Variants in ARMC9 observed in about 807,000 individuals in gnomAD.
ARMC9 encodes the protein armadillo repeat containing 9, also known as lisH domain-containing protein ARMC9.
Under a neutral mutation model 107.0 loss-of-function variants are expected in ARMC9, and 94 were observed. That is an observed-to-expected ratio of 0.88 (90% CI 0.74 to 1.04). The LOEUF is 1.04. ARMC9 is among the 50% of genes least tolerant of loss of function. The pLI is 0.00. For missense variants in ARMC9, 942 were observed against 1,030.1 expected (o/e 0.91, Z 1.17); for synonymous variants, 380 against 396.9 (o/e 0.96, Z 0.51).
At chr2:231,266,189 A>G (rs2038845551) in intron 12 of ARMC9, among the ~76,000 whole-genome samples, 1 of 152,152 alleles carries the variant, frequency 6.6e-6, no homozygotes, top group Admixed American at 6.5e-5. Context: ...TTTAACATGC[A>G]TCGTTATCTC....
At chr2:231,353,982 C>T (rs768937192) in intron 21 of ARMC9, among the ~76,000 whole-genome samples, 4,028 of 96,618 alleles carry the variant, frequency 0.042, 147 homozygotes, top group African/African-American at 0.28. Flanking sequence ...TGTATATATA[C>T]ACACACACAC....
At chr2:231,309,845 A>G (rs56822542) in intron 19 of ARMC9, among the ~76,000 whole-genome samples, 4,739 of 152,162 alleles carry the variant, frequency 0.031, 246 homozygotes, top group African/African-American at 0.11. Context: ...GTCTTATACT[A>G]TCCTGACCAA....
chr2:231,256,093 C>T, intron 9 of ARMC9: 1 of 1,549,400 alleles, frequency 6.5e-7, no homozygotes, highest in Non-Finnish European at 8.7e-7. Context: ...GCCGCGCCGC[C>T]ATCATGGACA....
chr2:231,271,881 A>G (rs1421710184), intron 13 of ARMC9, among the ~76,000 whole-genome samples: 1 of 152,142 alleles, frequency 6.6e-6, no homozygotes, highest in African/African-American at 2.4e-5. Flanking sequence ...CAGGCCTTGT[A>G]CAGAGAGTGT....
At chr2:231,254,324 G>A (rs538957448) in intron 9 of ARMC9, among the ~76,000 whole-genome samples, 2 of 152,176 alleles carry the variant, frequency 1.3e-5, no homozygotes, top group South Asian at 4.1e-4. Flanking sequence ...GAAAAATAAT[G>A]GCCAATATCA....
intron 12 of ARMC9, among the ~76,000 whole-genome samples, chr2:231,267,981 AGAAT>A (rs1424582820): frequency 1.3e-5 from 2 of 152,260 alleles, no homozygotes; most frequent in Non-Finnish European, 2.9e-5. Context: ...CATCAGCAGT[AGAAT>A]GAATACCTGT....
rs951200938 is a variant in ARMC9 at position 231,370,066 on chromosome 2, G to A, written c.2375G>A (p.Cys792Tyr). The A allele has an allele frequency of 7.4e-5, 114 of 1,535,112 alleles. No homozygotes were observed. Among genetic ancestry groups the A allele is most frequent in the Non-Finnish European group, 9.2e-5 (105 of 1,146,424 alleles). The change falls in exon 24 of 25, where the codon TGT (cysteine) becomes TAT (tyrosine). Residue 792 changes from cysteine (C) to tyrosine (Y), a missense_variant. Cys to Tyr is a radical substitution (Grantham distance 194). Transcript: ENST00000611582. ...GTTCTGGCCCCTCTGTTCTCTTCGTGTGGCCCCCAGCAGGCCAGCCGCCCC... is the reference window on the plus strand; with the variant it reads ...GTTCTGGCCCCTCTGTTCTCTTCGTATGGCCCCCAGCAGGCCAGCCGCCCC... ...ASVLAPLFSSCGPQQASRPGS... is the reference protein window; with the variant it reads ...ASVLAPLFSSYGPQQASRPGS...
intron 3 of ARMC9, among the ~76,000 whole-genome samples, chr2:231,210,679 C>A (rs1479815169): frequency 6.6e-6 from 1 of 152,218 alleles, no homozygotes; most frequent in Non-Finnish European, 1.5e-5. Context: ...TGTACACTTT[C>A]CGCAACTGGT....
At position 231,265,996 on chromosome 2, in the gene ARMC9, T is replaced by TAA. The variant is rs541194304; in HGVS notation, c.1119+3614_1119+3615dup. 5.9e-3 allele frequency among the ~76,000 whole-genome samples: 745 copies of TAA among 125,362 alleles called. 7 individuals are homozygous for TAA. Among genetic ancestry groups the TAA allele is most frequent in the East Asian group, 0.039 (173 of 4,468 alleles). The allele number at this position is 125,362 out of a possible 152,430, so 82.2% of individuals were successfully genotyped here. A position where few individuals can be genotyped will look rare whatever the true frequency, so the allele number is the denominator to read the frequency against. On this transcript the variant is annotated intron_variant, in intron 12 of 24. Transcript: ENST00000611582. ...CTGGGCAGCAGACTGAGACGCCATC[T>TAA]AAAAAAAAAAAAAAAAAGAAGAAAT...
chr2:231,262,643 T>G (rs564572146), intron 12 of ARMC9, among the ~76,000 whole-genome samples: 4 of 152,258 alleles, frequency 2.6e-5, no homozygotes, highest in Non-Finnish European at 5.9e-5. Context: ...TTTCTCAAAT[T>G]CCCTACTCTT....
At chr2:231,305,529 T>C (rs569587375) in intron 19 of ARMC9, among the ~76,000 whole-genome samples, 2 of 152,324 alleles carry the variant, frequency 1.3e-5, no homozygotes, top group South Asian at 4.1e-4. Flanking sequence ...AGCATTCACG[T>C]TTACAGCTTC....
intron 7 of ARMC9, among the ~76,000 whole-genome samples, chr2:231,227,040 A>G (rs973801700): frequency 2.0e-5 from 3 of 152,220 alleles, no homozygotes; most frequent in Admixed American, 1.3e-4. Flanking sequence ...AGAGAATCCA[A>G]TAACATCCCA....
chr2:231,305,149 A>C (rs2041971436), intron 19 of ARMC9, among the ~76,000 whole-genome samples: 1 of 152,228 alleles, frequency 6.6e-6, no homozygotes, highest in Non-Finnish European at 1.5e-5. Context: ...CCAGTTCATC[A>C]AGGACAGCCT....
chr2:231,324,227 A>C (rs1575083714), intron 19 of ARMC9, among the ~76,000 whole-genome samples: 1 of 140,836 alleles, frequency 7.1e-6, no homozygotes, highest in Non-Finnish European at 1.5e-5. Flanking sequence ...TCCCAGGTTC[A>C]AGCGATTCTT....
intron 13 of ARMC9, among the ~76,000 whole-genome samples, chr2:231,272,500 G>GTGTTTGTTTGTT (rs61386916): frequency 0.031 from 4,569 of 147,572 alleles, 248 homozygotes; most frequent in African/African-American, 0.11. Context: ...CAACCAGTAA[G>GTGTTTGTTTGTT]TGTTTGTTTG....
chr2:231,299,170 A>G (rs1283048054), intron 19 of ARMC9, among the ~76,000 whole-genome samples: 3 of 152,340 alleles, frequency 2.0e-5, no homozygotes, highest in African/African-American at 4.8e-5. Flanking sequence ...ATACGTTTAT[A>G]TACTAAAATT....
chr2:231,359,082 G>GTTCTTTTTT (rs767321498), intron 22 of ARMC9, among the ~76,000 whole-genome samples: 1,382 of 117,672 alleles, frequency 0.012, 164 homozygotes, highest in African/African-American at 0.043. Context: ...GGGGTCTCCT[G>GTTCTTTTTT]TTTTTTTTTT....
chr2:231,265,775 A>G (rs1017225022), intron 12 of ARMC9, among the ~76,000 whole-genome samples: 2 of 151,800 alleles, frequency 1.3e-5, no homozygotes, highest in Non-Finnish European at 2.9e-5. Context: ...GGGAGGCCTG[A>G]GGTGGGCAGA....
At chr2:231,337,270 G>GTATATATA (rs770448501) in intron 20 of ARMC9, among the ~76,000 whole-genome samples, 1 of 76,408 alleles carries the variant, frequency 1.3e-5, no homozygotes, top group African/African-American at 5.8e-5. Context: ...ACGTGTGTGT[G>GTATATATA]TATATATATA....
Sources: gnomAD v4.1 joint callset for allele counts (sites outside exome capture counted in the v4.1 genomes callset) on GRCh38, gnomAD v4.1.1 for gene constraint, MANE v1.5 for transcripts, NCBI Gene and HGNC (gene_info 2026-07-23, HGNC 2026-07-21) for gene names.